The following CYTH2 variants were observed in gnomAD, a reference collection of about 807,000 sequenced individuals.
The protein encoded by CYTH2 is cytohesin 2.
A neutral mutation model predicts 55.4 loss-of-function variants in CYTH2; 24 were observed. That is an observed-to-expected ratio of 0.43 (90% confidence interval 0.31 to 0.61). The LOEUF is 0.61. CYTH2 is among the 20% of genes least tolerant of loss of function. The pLI, the probability that CYTH2 is intolerant of heterozygous loss-of-function variation, is 0.08. For missense variants in CYTH2, 378 were observed against 533.5 expected, an observed-to-expected ratio of 0.71 and a Z score of 2.87; for synonymous variants, 221 against 209.6, an observed-to-expected ratio of 1.05 and a Z score of -0.47.
intron 11 of CYTH2, 68 bp from the exon 12 acceptor site, chr19:48,479,055 T>C (rs1168205499): frequency 2.6e-6 from 4 of 1,522,878 alleles, no homozygotes; most frequent in Non-Finnish European, 3.6e-6. Flanking sequence ...TCCTCCTGGG[T>C]ATGAGGGAGG....
chr19:48,479,338 C>A lies in CYTH2; in HGVS notation c.*128C>A. The stretch of plus-strand genomic sequence containing the variant: ...TCACCACCTCTAGCTCCTCACTGTT[C>A]TTTGTAATTAACACGCTGTTGGTAA... On this transcript the variant is annotated 3_prime_UTR_variant, in exon 12 of 12. Coordinates refer to ENST00000452733, the MANE Select transcript of CYTH2 (RefSeq NM_004228.7). The A allele has an allele frequency of 1.2e-6, 1 of 831,254 alleles. No individual in the cohort carries two copies. The highest frequency in any genetic ancestry group is 1.9e-6 in the Non-Finnish European group (1 of 516,400). The allele number at this position is 831,254 out of a possible 1,614,324, so 51.5% of individuals were successfully genotyped here.
chr19:48,477,979 G>A (rs1288713277), intron 8 of CYTH2, 90 bp from the exon 9 acceptor site: 8 of 1,059,916 alleles, frequency 7.5e-6, no homozygotes, highest in African/African-American at 4.7e-5. Context: ...CACCTCTACC[G>A]CTCTTGCTCT....
At chr19:48,472,910 G>A (rs1971833293) in intron 4 of CYTH2, 2 of 310,908 alleles carry the variant, frequency 6.4e-6, no homozygotes, top group Admixed American at 4.5e-5. Flanking sequence ...GGACGTCTGG[G>A]AATCAGGGAT....
chr19:48,478,958 G>T (rs1419552733), intron 11 of CYTH2, among the ~76,000 whole-genome samples, 165 bp from the exon 12 acceptor site: 2 of 145,102 alleles, frequency 1.4e-5, no homozygotes, highest in African/African-American at 5.2e-5. Context: ...AGGAGGGGCC[G>T]GGGGCCTGGA....
rs118097095 is a variant in CYTH2 at position 48,477,411 on chromosome 19, G to A, written c.809-658G>A. ...GACAGACCCTAGGGGGTAGGCTGGG[G>A]CCCTGTACCGAAGCAAGGGGTTTTC... is the stretch of plus-strand genomic sequence containing the variant. On this transcript the variant is annotated intron_variant, in intron 8 of 11. Transcript: ENST00000452733. 801 of 153,914 alleles carry A rather than the reference G, an allele frequency of 5.2e-3. 8 individuals carry two copies. Among genetic ancestry groups the A allele is most frequent in the Non-Finnish European group, 9.7e-3 (670 of 69,224 alleles). 9.5% of individuals were successfully genotyped at this position (153,914 alleles called of 1,614,324 possible). A position where few individuals can be genotyped will look rare whatever the true frequency, so the allele number is the denominator to read the frequency against.
chr19:48,478,616 ATGGAGGAGGGGCTGGGGCCTGGACT>A, intron 11 of CYTH2, 24 bp downstream of exon 11: 2 of 1,527,664 alleles, frequency 1.3e-6, no homozygotes, highest in Middle Eastern at 1.9e-4. Flanking sequence ...CCTGGGCCTG[ATGGAGGAGGGGCTGGGGCCTGGACT>A]CCTGGGTCTG....
intron 5 of CYTH2, 24 bp from the exon 6 acceptor site, chr19:48,473,881 A>G: frequency 1.9e-6 from 3 of 1,570,140 alleles, no homozygotes; most frequent in South Asian, 1.2e-5. Context: ...CCTGGCATCC[A>G]TTCCTGGCCC....
Position 48,474,213 on chromosome 19 carries a change from C to A in CYTH2, c.579C>A (p.Ile193=). 1 of 1,609,924 alleles carries A rather than the reference C, an allele frequency of 6.2e-7. No homozygotes were observed. Among genetic ancestry groups the A allele is most frequent in the East Asian group, 2.2e-5 (1 of 44,856 alleles). Residue 193 remains isoleucine, a synonymous_variant, in exon 7 of 12, where the codon ATC becomes ATA. Transcript: ENST00000452733. This position sits in a 1 kb window ranked among gnomAD's most constrained non-coding sequence, Gnocchi z 4.9. ...GCTATGTGCTGTCCTTCGCCGTCAT[C>A]ATGCTCAACACCAGTCTCCACAATC... The part of the protein sequence containing the change: ...DTCYVLSFAV[I]MLNTSLHNPN...
intron 5 of CYTH2, 100 bp from the exon 6 acceptor site, chr19:48,473,805 G>C: frequency 1.1e-6 from 1 of 922,210 alleles, no homozygotes; most frequent in Non-Finnish European, 1.6e-6. Flanking sequence ...GAGGCCGGAA[G>C]GTCGGGATTC....
intron 1 of CYTH2, 188 bp downstream of exon 1, chr19:48,469,714 C>A: frequency 1.1e-6 from 1 of 930,902 alleles, no homozygotes; most frequent in Non-Finnish European, 1.6e-6. Flanking sequence ...CGTTCCAGGC[C>A]ATTGTTTGGG....
At position 48,470,363 on chromosome 19, in the gene CYTH2, C is replaced by T; in HGVS notation, c.30C>T (p.Asp10=). ...GACCCCGATCCCTAGAACCCCCAGA[C>T]CTGACTCCGGAGGAGCGGATGGAGC... The part of the protein sequence containing the change: MEDGVYEPP[D]LTPEERMELE... Residue 10 remains aspartate, a synonymous_variant, in exon 2 of 12, where the codon GAC becomes GAT. Transcript: ENST00000452733. 1 of 1,611,862 alleles carries T rather than the reference C, an allele frequency of 6.2e-7. No homozygotes were observed. The highest frequency in any genetic ancestry group is 1.7e-4 in the Middle Eastern group (1 of 6,050).
chr19:48,470,943 C>T (rs768664422), intron 3 of CYTH2, among the ~76,000 whole-genome samples: 1 of 152,036 alleles, frequency 6.6e-6, no homozygotes, highest in African/African-American at 2.4e-5. Context: ...AAGATGAGCT[C>T]GAGTCTTGTA....
rs1023742369 is a variant in CYTH2 at position 48,470,736 on chromosome 19, G to A, written c.234+67G>A. 2.2e-5 allele frequency: 35 copies of A among 1,582,120 alleles called. No homozygotes were observed. The African/African-American group carries it at 4.6e-4, about 21-fold the overall frequency. Reference sequence around the variant, plus strand: ...CAGGCAGGGGCTTCTGGCACCTCCGGGTTCCAGAAGCGTGATGGTGCCGGG... The same window carrying A: ...CAGGCAGGGGCTTCTGGCACCTCCGAGTTCCAGAAGCGTGATGGTGCCGGG... On this transcript the variant is annotated intron_variant, in intron 3 of 11. Coordinates refer to ENST00000452733, the MANE Select transcript of CYTH2 (RefSeq NM_004228.7).
chr19:48,474,582 G>A lies in CYTH2; in HGVS notation c.696+252G>A, dbSNP rs1971871444. 6.6e-6 allele frequency among the ~76,000 whole-genome samples: 1 copy of A among 152,000 alleles called. No individual in the cohort carries two copies. The highest frequency in any genetic ancestry group is 1.5e-5 in the Non-Finnish European group (1 of 68,000). On this transcript the variant is annotated intron_variant, in intron 7 of 11. Coordinates refer to ENST00000452733, the MANE Select transcript of CYTH2 (RefSeq NM_004228.7). The surrounding 1 kb of genome is among the most constrained non-coding windows in gnomAD (Gnocchi z 4.9). ...CTGGCTGTTGGGCTTTCCGGCCCTC[G>A]ATTGGCCTCATTCCCCATCTGTCTG...
chr19:48,473,025 A>G (rs1325148117), intron 4 of CYTH2: 2 of 422,776 alleles, frequency 4.7e-6, no homozygotes, highest in Non-Finnish European at 4.4e-6. Context: ...GAGAGGTGAC[A>G]GTAGGTAGCA....
chr19:48,470,821 T>A, intron 3 of CYTH2, 152 bp downstream of exon 3: 1 of 823,236 alleles, frequency 1.2e-6, no homozygotes, highest in Non-Finnish European at 1.9e-6. Flanking sequence ...GCTGTCCATT[T>A]GTTTTCTGAA....
chr19:48,478,920 C>CG (rs1406064525), intron 11 of CYTH2, among the ~76,000 whole-genome samples: 1 of 127,578 alleles, frequency 7.8e-6, no homozygotes, highest in African/African-American at 3.0e-5. Context: ...GAGGAGGGGC[C>CG]GGGGGCCTGG....
chr19:48,478,721 C>T, intron 11 of CYTH2, 129 bp downstream of exon 11: 1 of 773,878 alleles, frequency 1.3e-6, no homozygotes, highest in Non-Finnish European at 1.9e-6. Flanking sequence ...ACGCCTGGGT[C>T]TGACGGAGGA....
chr19:48,473,837 C>A, intron 5 of CYTH2, 68 bp from the exon 6 acceptor site: 1 of 1,275,216 alleles, frequency 7.8e-7, no homozygotes, highest in South Asian at 1.4e-5. Context: ...GTTCCTAACA[C>A]AGGGACTGAG....
Sources: gnomAD v4.1 joint callset for allele counts (sites outside exome capture counted in the v4.1 genomes callset) on GRCh38, gnomAD v4.1.1 for gene constraint, Gnocchi (gnomAD v3.1) non-coding constraint, MANE v1.5 for transcripts, NCBI Gene and HGNC (gene_info 2026-07-23, HGNC 2026-07-21) for gene names.